The following RPRD1B variants were observed in gnomAD, a reference collection of about 807,000 sequenced individuals.
The protein encoded by RPRD1B is regulation of nuclear pre-mRNA domain-containing protein 1B.
Under a neutral mutation model 41.5 loss-of-function variants are expected in RPRD1B, and 11 were observed. That is an observed-to-expected ratio of 0.27 (90% CI 0.17 to 0.44). The LOEUF (loss-of-function observed/expected upper bound fraction) is 0.44, where lower values mean the gene tolerates loss of function less well. RPRD1B is among the 20% of genes least tolerant of loss of function. The probability of loss-of-function intolerance (pLI) is 1.00; values close to 1 mark genes in which losing one functional copy is unlikely to be tolerated. For missense variants in RPRD1B, 248 were observed against 389.9 expected, an observed-to-expected ratio of 0.64 and a Z score of 3.06; for synonymous variants, 158 against 155.6, an observed-to-expected ratio of 1.02 and a Z score of -0.12.
chr20:38,039,466 A>G (rs932044215), intron 1 of RPRD1B, among the ~76,000 whole-genome samples: 2 of 150,990 alleles, frequency 1.3e-5, no homozygotes, highest in East Asian at 3.9e-4. Context: ...GTGCAACAGC[A>G]TGATCTAGGC....
At chr20:38,086,277 G>A (rs1391141897) in intron 6 of RPRD1B, among the ~76,000 whole-genome samples, 1 of 152,172 alleles carries the variant, frequency 6.6e-6, no homozygotes, top group Non-Finnish European at 1.5e-5. Flanking sequence ...TATAGCTTCA[G>A]TTTAACCTAA....
chr20:38,066,484 G>A (rs1283800385), intron 6 of RPRD1B, among the ~76,000 whole-genome samples: 1 of 152,184 alleles, frequency 6.6e-6, no homozygotes, highest in Non-Finnish European at 1.5e-5. Flanking sequence ...AACAAACAGT[G>A]AACTCTTAAT....
At chr20:38,089,698 C>T (rs2074595799) in intron 6 of RPRD1B, 28 bp from the exon 7 acceptor site, 9 of 1,594,588 alleles carry the variant, frequency 5.6e-6, no homozygotes, top group South Asian at 2.2e-5. Flanking sequence ...ACAGACTTAA[C>T]GGTATTGTCT....
At chr20:38,059,642 A>T in intron 5 of RPRD1B, 122 bp downstream of exon 5, 1 of 929,048 alleles carries the variant, frequency 1.1e-6, no homozygotes, top group South Asian at 2.1e-5. Context: ...TGGTTGCTCT[A>T]CCATCTTGGG....
intron 1 of RPRD1B, among the ~76,000 whole-genome samples, chr20:38,036,949 C>T (rs570192696): frequency 6.6e-6 from 1 of 152,292 alleles, no homozygotes; most frequent in East Asian, 1.9e-4. Flanking sequence ...AGATGCTCTT[C>T]CAAGCATCAA....
At chr20:38,039,255 C>T (rs1472254548) in intron 1 of RPRD1B, among the ~76,000 whole-genome samples, 1 of 152,050 alleles carries the variant, frequency 6.6e-6, no homozygotes, top group Non-Finnish European at 1.5e-5. Context: ...AGATTTCACA[C>T]GTGTGTAAAT....
chr20:38,062,861 A>G (rs2074313797), intron 5 of RPRD1B, among the ~76,000 whole-genome samples: 1 of 109,692 alleles, frequency 9.1e-6, no homozygotes, highest in Non-Finnish European at 1.7e-5. Context: ...TTTGAGATAC[A>G]GTCTCATTCT....
chr20:38,044,664 G>A (rs1030510054), intron 2 of RPRD1B, among the ~76,000 whole-genome samples: 11 of 152,086 alleles, frequency 7.2e-5, no homozygotes, highest in African/African-American at 1.2e-4. Flanking sequence ...GTCAGCCACC[G>A]CGCCAGGCTC....
intron 5 of RPRD1B, among the ~76,000 whole-genome samples, chr20:38,062,980 G>A (rs145112857): frequency 9.2e-5 from 14 of 151,978 alleles, no homozygotes; most frequent in African/African-American, 3.4e-4. Flanking sequence ...GATTACAGAT[G>A]TGAGCCCCCT....
intron 3 of RPRD1B, among the ~76,000 whole-genome samples, chr20:38,056,896 A>G (rs955144105): frequency 6.6e-6 from 1 of 152,244 alleles, no homozygotes; most frequent in Admixed American, 6.5e-5. Flanking sequence ...TAACACATCT[A>G]TCATAACAAT....
chr20:38,040,770 C>G (rs1444506029), intron 2 of RPRD1B, among the ~76,000 whole-genome samples: 1 of 152,122 alleles, frequency 6.6e-6, no homozygotes, highest in African/African-American at 2.4e-5. Flanking sequence ...GAGATTCAGC[C>G]TAGCATTATC....
At chr20:38,073,749 G>A (rs978639632) in intron 6 of RPRD1B, among the ~76,000 whole-genome samples, 2 of 152,194 alleles carry the variant, frequency 1.3e-5, no homozygotes, top group Non-Finnish European at 2.9e-5. Context: ...GGACAGATGG[G>A]AGCCGGTGAT....
intron 6 of RPRD1B, among the ~76,000 whole-genome samples, chr20:38,075,762 A>T (rs1049322934): frequency 6.6e-6 from 1 of 152,264 alleles, no homozygotes. Flanking sequence ...GGTTATAATC[A>T]GGAGTCAAGT....
At chr20:38,088,245 C>T (rs1453221444) in intron 6 of RPRD1B, among the ~76,000 whole-genome samples, 1 of 152,210 alleles carries the variant, frequency 6.6e-6, no homozygotes, top group Non-Finnish European at 1.5e-5. Flanking sequence ...CTCCATTTGA[C>T]CTTTTTCCTG....
Position 38,090,608 on chromosome 20 carries a change from A to G in RPRD1B, c.*733A>G. 1.0e-6 allele frequency: 1 copy of G among 985,542 alleles called. No individual in the cohort carries two copies. Among genetic ancestry groups the G allele is most frequent in the South Asian group, 4.7e-5 (1 of 21,288 alleles). The allele number at this position is 985,542 out of a possible 1,614,324, so 61.0% of individuals were successfully genotyped here. ...TCAAGTTCCTAGATACAACCTTCCC[A>G]TGCTGCACTTCTCCACTGTCGGAGC... is the stretch of plus-strand genomic sequence containing the variant. On this transcript the variant is annotated 3_prime_UTR_variant, in exon 7 of 7. Coordinates refer to ENST00000373433, the MANE Select transcript of RPRD1B (RefSeq NM_021215.4).
At chr20:38,081,486 A>G (rs947335852) in intron 6 of RPRD1B, among the ~76,000 whole-genome samples, 4 of 152,338 alleles carry the variant, frequency 2.6e-5, no homozygotes, top group African/African-American at 9.6e-5. Flanking sequence ...ATGGAATCAT[A>G]TAGCCTGCAA....
In RPRD1B at chr20:38,048,498, A is replaced by G. The variant is rs756303076; in HGVS notation, c.415+17A>G. 2.5e-6 allele frequency: 4 copies of G among 1,592,628 alleles called. No individual in the cohort carries two copies. The highest frequency in any genetic ancestry group is 1.1e-5 in the South Asian group (1 of 89,420). On this transcript the variant is annotated intron_variant, in intron 3 of 6. Transcript: ENST00000373433. ...CCCCCAAAGGTAGAAACATCACCAC[A>G]TGTTTACAGCTCTTGGTCTTTGCCT...
intron 6 of RPRD1B, among the ~76,000 whole-genome samples, chr20:38,069,850 G>A (rs948913135): frequency 6.6e-6 from 1 of 152,146 alleles, no homozygotes; most frequent in African/African-American, 2.4e-5. Context: ...ATCAAATCAT[G>A]GACAGTTTCT....
intron 6 of RPRD1B, among the ~76,000 whole-genome samples, chr20:38,078,091 C>T (rs568396505): frequency 6.6e-6 from 1 of 152,008 alleles, no homozygotes; most frequent in African/African-American, 2.4e-5. Flanking sequence ...TCACTTGAGC[C>T]CAGGAGGTGA....
Sources: allele counts gnomAD v4.1 joint callset (sites outside exome capture counted in the v4.1 genomes callset), GRCh38; gene constraint gnomAD v4.1.1; transcripts MANE v1.5; gene names NCBI Gene and HGNC (gene_info 2026-07-23, HGNC 2026-07-21).